Variants in BCAR3 observed in about 807,000 individuals in gnomAD.
BCAR3 encodes breast cancer anti-estrogen resistance protein 3.
In BCAR3, 37 loss-of-function variants were observed where a neutral mutation model predicts 80.1. That is an observed-to-expected ratio of 0.46 (90% CI 0.36 to 0.61). BCAR3 has a LOEUF of 0.61. BCAR3 is among the 20% of genes least tolerant of loss of function. The probability of loss-of-function intolerance (pLI) is 0.00; values close to 1 mark genes in which losing one functional copy is unlikely to be tolerated. For missense variants in BCAR3, 978 were observed against 1,068.2 expected (o/e 0.92, Z 1.18); for synonymous variants, 389 against 418.9 (o/e 0.93, Z 0.87).
At chr1:93,813,143 C>T (rs1412376025) in intron 2 of BCAR3, among the ~76,000 whole-genome samples, 1 of 152,104 alleles carries the variant, frequency 6.6e-6, no homozygotes, top group Non-Finnish European at 1.5e-5. Flanking sequence ...CCCCAGCCCC[C>T]AGAGCTCCAT....
chr1:93,837,090 C>T (rs1654797987), intron 2 of BCAR3, among the ~76,000 whole-genome samples: 1 of 152,142 alleles, frequency 6.6e-6, no homozygotes, highest in Admixed American at 6.5e-5. Flanking sequence ...CACACGACAG[C>T]ATCAGTAATC....
intron 2 of BCAR3, among the ~76,000 whole-genome samples, chr1:93,801,391 C>G (rs1653475026): frequency 6.6e-6 from 1 of 152,204 alleles, no homozygotes; most frequent in African/African-American, 2.4e-5. Context: ...TTTTGACCAC[C>G]TTGGCCAATT....
intron 3 of BCAR3, among the ~76,000 whole-genome samples, chr1:93,596,586 A>G (rs1674427929): frequency 6.6e-6 from 1 of 152,058 alleles, no homozygotes; most frequent in Admixed American, 6.5e-5. Context: ...CCTCTGGACT[A>G]TATGTTTTCT....
intron 2 of BCAR3, among the ~76,000 whole-genome samples, chr1:93,654,386 C>G (rs1647272431): frequency 6.6e-6 from 1 of 152,120 alleles, no homozygotes; most frequent in Admixed American, 6.5e-5. Flanking sequence ...ATGGGAGCTG[C>G]CCTCACCACC....
chr1:93,573,615 A>ATTGGTTTTTTTTTTTTTTTTTTTTTTT (rs919862286), intron 8 of BCAR3, among the ~76,000 whole-genome samples: 1 of 129,800 alleles, frequency 7.7e-6, no homozygotes, highest in African/African-American at 3.0e-5. Context: ...TATTTTTATT[A>ATTGGTTTTTTTTTTTTTTTTTTTTTTT]TTATTATTAT....
At position 93,567,880 on chromosome 1, in the gene BCAR3, G is replaced by C. The variant is rs764423676; in HGVS notation, c.1975-29C>G. 2.5e-6 allele frequency: 4 copies of C among 1,583,608 alleles called. No individual in the cohort carries two copies. The South Asian group carries it at 4.4e-5, about 18-fold the overall frequency. On this transcript the variant is annotated intron_variant, in intron 9 of 11. Transcript: ENST00000260502. Reference sequence around the variant, plus strand: ...GAAGAAAGGTGGTGTTTTGGAAAAGGTTCTTTTTAAAATTACCTTTTAGTG... The same window carrying C: ...GAAGAAAGGTGGTGTTTTGGAAAAGCTTCTTTTTAAAATTACCTTTTAGTG...
chr1:93,802,688 CAGA>C (rs1653524739), intron 2 of BCAR3, among the ~76,000 whole-genome samples: 1 of 152,140 alleles, frequency 6.6e-6, no homozygotes, highest in South Asian at 2.1e-4. Context: ...TCTGGAGGAT[CAGA>C]AGAAGGAATG....
Position 93,823,770 on chromosome 1 carries a change from G to A in BCAR3, c.-63+21797C>T, listed in dbSNP as rs1355053569. ...GGCTGGGTGCAGTGGCAAGATCTCG[G>A]CTCACTGCAACCTCTGACTTCCTGG... On this transcript the variant is annotated intron_variant, in intron 2 of 13. Coordinates refer to the BCAR3 transcript ENST00000370244. Among the ~76,000 whole-genome samples the A allele has an allele frequency of 1.5e-5, 2 of 134,282 alleles. 1 individual carries two copies. Among genetic ancestry groups the A allele is most frequent in the Non-Finnish European group, 3.4e-5 (2 of 59,354 alleles). The allele number at this position is 134,282 out of a possible 152,430, so 88.1% of individuals were successfully genotyped here.
intron 3 of BCAR3, among the ~76,000 whole-genome samples, chr1:93,628,164 G>A (rs1675506711): frequency 1.3e-5 from 2 of 152,108 alleles, no homozygotes; most frequent in African/African-American, 2.4e-5. Flanking sequence ...TCCTACCAGT[G>A]TCAAGCATGG....
At chr1:93,730,580 C>T (rs1350283805) in intron 2 of BCAR3, among the ~76,000 whole-genome samples, 2 of 152,224 alleles carry the variant, frequency 1.3e-5, no homozygotes, top group Non-Finnish European at 2.9e-5. Context: ...ATCCAAATCG[C>T]TTTCCCTCAT....
intron 3 of BCAR3, among the ~76,000 whole-genome samples, chr1:93,636,780 G>C (rs1264699417): frequency 1.3e-5 from 2 of 152,074 alleles, no homozygotes; most frequent in African/African-American, 2.4e-5. Context: ...TAACTGTAGG[G>C]CTGGTGTGTG....
intron 2 of BCAR3, among the ~76,000 whole-genome samples, chr1:93,838,308 G>T (rs1255170897): frequency 6.6e-6 from 1 of 152,188 alleles, no homozygotes; most frequent in Non-Finnish European, 1.5e-5. Context: ...GTGTGAAGGG[G>T]GAGAAAAACC....
chr1:93,781,821 T>G (rs1355154407), intron 2 of BCAR3, among the ~76,000 whole-genome samples: 1 of 152,228 alleles, frequency 6.6e-6, no homozygotes, highest in African/African-American at 2.4e-5. Flanking sequence ...TTCCCCACTT[T>G]AAGATTTATC....
intron 2 of BCAR3, among the ~76,000 whole-genome samples, chr1:93,811,538 T>C (rs113183095): frequency 6.6e-6 from 1 of 152,244 alleles, no homozygotes; most frequent in Non-Finnish European, 1.5e-5. Flanking sequence ...CTTTCCTTTA[T>C]GCTTCTCTAT....
chr1:93,835,941 G>A (rs569025913), intron 2 of BCAR3, among the ~76,000 whole-genome samples: 40 of 152,270 alleles, frequency 2.6e-4, no homozygotes, highest in African/African-American at 8.4e-4. Context: ...TATACAGTCC[G>A]GTAACGGACC....
intron 3 of BCAR3, among the ~76,000 whole-genome samples, chr1:93,639,206 G>A (rs1327816072): frequency 6.6e-6 from 1 of 152,162 alleles, no homozygotes; most frequent in African/African-American, 2.4e-5. Flanking sequence ...CACCTGGCAT[G>A]AATGTACTGC....
intron 2 of BCAR3, among the ~76,000 whole-genome samples, chr1:93,780,965 T>C (rs60122587): frequency 0.13 from 20,492 of 152,184 alleles, 2,148 homozygotes; most frequent in African/African-American, 0.28. Flanking sequence ...CCCAGTGCCC[T>C]GGGTCAAGTG....
chr1:93,729,944 T>C (rs1045978738), intron 2 of BCAR3, among the ~76,000 whole-genome samples: 1 of 152,266 alleles, frequency 6.6e-6, no homozygotes, highest in African/African-American at 2.4e-5. Flanking sequence ...CATGTTTATA[T>C]ATAAATTTAG....
chr1:93,831,702 G>A (rs1360274046), intron 2 of BCAR3, among the ~76,000 whole-genome samples: 3 of 151,964 alleles, frequency 2.0e-5, no homozygotes, highest in Admixed American at 6.6e-5. Context: ...CTCCTCCCCA[G>A]GCTGCTCCTT....
Sources: gnomAD v4.1 joint callset for allele counts (sites outside exome capture counted in the v4.1 genomes callset) on GRCh38, gnomAD v4.1.1 for gene constraint, MANE v1.5 for transcripts, NCBI Gene and HGNC (gene_info 2026-07-23, HGNC 2026-07-21) for gene names.